The following SENP7 variants were observed in gnomAD, a reference collection of about 807,000 sequenced individuals.
SENP7 encodes the protein SUMO specific peptidase 7.
Under a neutral mutation model 141.2 loss-of-function variants are expected in SENP7, and 64 were observed. The ratio of observed to expected loss-of-function variants is 0.45; its 90% CI spans 0.37 to 0.56. The LOEUF is 0.56. Ranked by LOEUF, SENP7 falls within the 20% of genes least tolerant of loss-of-function variation. SENP7 has a pLI of 0.00. For synonymous variants in SENP7, 382 were observed against 426.4 expected, an observed-to-expected ratio of 0.90 and a Z score of 1.28; for missense variants, 1,025 against 1,212.2, an observed-to-expected ratio of 0.85 and a Z score of 2.29.
At chr3:101,503,077 C>T (rs138089713) in intron 1 of SENP7, among the ~76,000 whole-genome samples, 102 of 152,156 alleles carry the variant, frequency 6.7e-4, no homozygotes, top group Admixed American at 1.2e-3. Context: ...GCAAGATAAT[C>T]CTATCTTCAA....
chr3:101,353,174 T>C (rs2059655221), intron 11 of SENP7, among the ~76,000 whole-genome samples: 1 of 152,004 alleles, frequency 6.6e-6, no homozygotes, highest in South Asian at 2.1e-4. Context: ...ATACTGCCCC[T>C]TTCCAAACTC....
chr3:101,387,943 T>C lies in SENP7; in HGVS notation c.677+10918A>G, dbSNP rs185373941. On this transcript the variant is annotated intron_variant, in intron 6 of 23. Coordinates refer to ENST00000394095, the MANE Select transcript of SENP7 (RefSeq NM_020654.5). The stretch of plus-strand genomic sequence containing the variant: ...GGACTGAGTACAAGCCTACCTGACA[T>C]GCACTGTCTGGGAGCCTAGGCATAG... Among the ~76,000 whole-genome samples the C allele has an allele frequency of 6.3e-3, 940 of 148,936 alleles. 6 individuals carry two copies. Among genetic ancestry groups the C allele is most frequent in the African/African-American group, 0.022 (904 of 40,816 alleles).
chr3:101,434,023 A>C (rs562621512), intron 4 of SENP7, among the ~76,000 whole-genome samples: 1 of 152,320 alleles, frequency 6.6e-6, no homozygotes, highest in South Asian at 2.1e-4. Context: ...AGGACAGACC[A>C]TATGTTAGGT....
rs898277691 is a variant in SENP7, at chr3:101,427,424, C to A, written c.285-9634G>T. Among the ~76,000 whole-genome samples, 3 of 143,014 alleles carry A rather than the reference C, an allele frequency of 2.1e-5. No homozygotes were observed. The Admixed American group carries it at 2.3e-4, about 11-fold the overall frequency. The allele number at this position is 143,014 out of a possible 152,430, so 93.8% of individuals were successfully genotyped here. A position where few individuals can be genotyped will look rare whatever the true frequency, so the allele number is the denominator to read the frequency against. ...AGAATTGCTTAAACCCGGGAGGTGG[C>A]GGTTGCAGTGAGCCCAGATAGCACC... On this transcript the variant is annotated intron_variant, in intron 4 of 23. Transcript: ENST00000394095.
intron 4 of SENP7, among the ~76,000 whole-genome samples, chr3:101,449,449 A>C (rs1012500494): frequency 2.0e-5 from 3 of 152,238 alleles, no homozygotes; most frequent in African/African-American, 7.2e-5. Context: ...GAAAGAAAAA[A>C]TGTTAAGGGC....
At chr3:101,478,962 C>T (rs1375887823) in intron 3 of SENP7, among the ~76,000 whole-genome samples, 1 of 151,980 alleles carries the variant, frequency 6.6e-6, no homozygotes, top group Non-Finnish European at 1.5e-5. Flanking sequence ...CATGCAGTCA[C>T]CTCAACAGAT....
chr3:101,334,339 A>C lies in SENP7; in HGVS notation c.2481-1477T>G, dbSNP rs1489208570. Among the ~76,000 whole-genome samples the C allele has an allele frequency of 2.6e-5, 4 of 152,210 alleles. No homozygotes were observed. In the East Asian group the frequency reaches 7.7e-4, roughly 29 times the overall value. ...AAAAGAAAGGTTTTAGGAAGGAAGA[A>C]AATGACATTTAACAGGGGGATAAAG... On this transcript the variant is annotated intron_variant, in intron 17 of 23. Transcript: ENST00000394095.
At chr3:101,442,723 A>C (rs2062726864) in intron 4 of SENP7, among the ~76,000 whole-genome samples, 1 of 152,196 alleles carries the variant, frequency 6.6e-6, no homozygotes, top group Non-Finnish European at 1.5e-5. Flanking sequence ...CCAAACAAAA[A>C]TCCTGCAATA....
intron 3 of SENP7, among the ~76,000 whole-genome samples, chr3:101,483,959 G>A (rs1181716280): frequency 4.6e-5 from 7 of 152,146 alleles, no homozygotes; most frequent in African/African-American, 1.2e-4. Flanking sequence ...CCCAGGAGAC[G>A]GCGGTTGCAG....
At chr3:101,388,458 T>C (rs567873900) in intron 6 of SENP7, among the ~76,000 whole-genome samples, 16 of 152,322 alleles carry the variant, frequency 1.1e-4, no homozygotes, top group African/African-American at 3.8e-4. Context: ...CCATAGCATC[T>C]TACTCAAGCA....
chr3:101,363,204 G>T, intron 10 of SENP7: 2 of 707,778 alleles, frequency 2.8e-6, no homozygotes, highest in Non-Finnish European at 3.5e-6. Context: ...TATTCCCTAA[G>T]TAAAAAAGGG....
At chr3:101,448,767 A>C (rs181398860) in intron 4 of SENP7, among the ~76,000 whole-genome samples, 2 of 152,312 alleles carry the variant, frequency 1.3e-5, no homozygotes, top group South Asian at 2.1e-4. Context: ...AAAACCACAA[A>C]GATGGGGAAA....
intron 3 of SENP7, among the ~76,000 whole-genome samples, chr3:101,466,876 G>A (rs562816928): frequency 1.5e-4 from 23 of 152,290 alleles, no homozygotes; most frequent in South Asian, 2.1e-4. Context: ...GAAGCAGGGC[G>A]GGGAGTCGCC....
chr3:101,404,401 C>A (rs906911472), intron 5 of SENP7, among the ~76,000 whole-genome samples: 1 of 152,004 alleles, frequency 6.6e-6, no homozygotes, highest in African/African-American at 2.4e-5. Context: ...ATTTTTACAC[C>A]ATATATAAAA....
At position 101,327,669 on chromosome 3, in the gene SENP7, G is replaced by C. The variant is rs1442306300; in HGVS notation, c.3012C>G (p.Phe1004Leu). ...ACTTATTTATAGCTTCACATACCTT[G>C]AAGAAGCTTTCCACATACTGCAATA... ...VYLLQYVESFFKDPIVNFELP... is the reference protein window; with the variant it reads ...VYLLQYVESFLKDPIVNFELP... Residue 1004 changes from phenylalanine to leucine, a missense_variant, in exon 23 of 24, where the codon TTC (phenylalanine) becomes TTG (leucine). Physicochemically the swap from Phe to Leu is conservative, Grantham distance 22 (BLOSUM62 0). Transcript: ENST00000394095. The C allele has an allele frequency of 5.0e-6, 8 of 1,594,784 alleles. No individual in the cohort carries two copies. Among genetic ancestry groups the C allele is most frequent in the African/African-American group, 4.1e-5 (3 of 73,794 alleles).
chr3:101,488,205 A>AT (rs1229446543), intron 3 of SENP7, among the ~76,000 whole-genome samples: 4 of 151,182 alleles, frequency 2.6e-5, no homozygotes, highest in African/African-American at 7.3e-5. Flanking sequence ...TAGGTATTTC[A>AT]TTTTTTTTAA....
intron 5 of SENP7, among the ~76,000 whole-genome samples, chr3:101,412,309 A>G (rs556245026): frequency 6.6e-6 from 1 of 152,240 alleles, no homozygotes; most frequent in African/African-American, 2.4e-5. Context: ...CCCAGATGAT[A>G]TAATTTAAAA....
At chr3:101,349,792 C>T (rs996672115) in intron 12 of SENP7, among the ~76,000 whole-genome samples, 1 of 152,140 alleles carries the variant, frequency 6.6e-6, no homozygotes, top group Non-Finnish European at 1.5e-5. Context: ...ATGGTTTATT[C>T]TGTTACAGGT....
chr3:101,498,422 C>T (rs547682283), intron 2 of SENP7, among the ~76,000 whole-genome samples: 40 of 152,284 alleles, frequency 2.6e-4, no homozygotes, highest in African/African-American at 9.4e-4. Context: ...AGGTCATCAT[C>T]ACTTCTGTGG....
Sources: allele counts gnomAD v4.1 joint callset (sites outside exome capture counted in the v4.1 genomes callset), GRCh38; gene constraint gnomAD v4.1.1; transcripts MANE v1.5; gene names NCBI Gene and HGNC (gene_info 2026-07-23, HGNC 2026-07-21).